Variants in TIAM1 observed in about 807,000 individuals in gnomAD.
TIAM1 encodes the protein TIAM Rac1 associated GEF 1, also known as rho guanine nucleotide exchange factor TIAM1.
Under a neutral mutation model 163.5 loss-of-function variants are expected in TIAM1, and 65 were observed. The observed-to-expected ratio is 0.40, with a 90% confidence interval of 0.33 to 0.49. TIAM1 has a LOEUF of 0.49. TIAM1 is among the 20% of genes least tolerant of loss of function. The pLI, the probability that TIAM1 is intolerant of heterozygous loss-of-function variation, is 0.77. For synonymous variants in TIAM1, 833 were observed against 810.1 expected, an observed-to-expected ratio of 1.03 and a Z score of -0.48; for missense variants, 1,789 against 2,044.7, an observed-to-expected ratio of 0.87 and a Z score of 2.41.
At chr21:31,511,212 G>A (rs574915699) in intron 1 of TIAM1, among the ~76,000 whole-genome samples, 1 of 152,328 alleles carries the variant, frequency 6.6e-6, no homozygotes, top group South Asian at 2.1e-4. Context: ...GTGGCACTTT[G>A]TTAGGGCAAC....
At chr21:31,408,840 C>G (rs2077293915) in intron 2 of TIAM1, among the ~76,000 whole-genome samples, 1 of 152,176 alleles carries the variant, frequency 6.6e-6, no homozygotes, top group African/African-American at 2.4e-5. Context: ...GTTAGACATG[C>G]ACATTTTCGG....
At chr21:31,380,736 CT>C (rs1345871924) in intron 2 of TIAM1, among the ~76,000 whole-genome samples, 1 of 152,094 alleles carries the variant, frequency 6.6e-6, no homozygotes, top group Non-Finnish European at 1.5e-5. Flanking sequence ...CAATACCCTA[CT>C]TTTTTTAGTT....
intron 23 of TIAM1, 83 bp downstream of exon 23, chr21:31,135,850 T>C (rs1346097149): frequency 1.0e-5 from 13 of 1,274,524 alleles, no homozygotes; most frequent in African/African-American, 1.5e-5. Context: ...TTTTAATCAA[T>C]TGGGTCTTGA....
chr21:31,350,878 C>G (rs1022426011), intron 2 of TIAM1, among the ~76,000 whole-genome samples: 1 of 152,150 alleles, frequency 6.6e-6, no homozygotes, highest in African/African-American at 2.4e-5. Flanking sequence ...TGAAAAGGAC[C>G]CCACCTATAG....
chr21:31,384,798 T>C (rs894429580), intron 2 of TIAM1, among the ~76,000 whole-genome samples: 26 of 152,232 alleles, frequency 1.7e-4, no homozygotes, highest in African/African-American at 6.0e-4. Flanking sequence ...AAACCATTTT[T>C]AGTGGTACAT....
chr21:31,131,886 G>A lies in TIAM1; in HGVS notation c.3884-938C>T, dbSNP rs181921489. Among the ~76,000 whole-genome samples, 195 of 152,236 alleles carry A rather than the reference G, an allele frequency of 1.3e-3. 1 individual carries two copies. Among genetic ancestry groups the A allele is most frequent in the African/African-American group, 4.3e-3 (180 of 41,538 alleles). On this transcript the variant is annotated intron_variant, in intron 23 of 27. Transcript: ENST00000541036. ...TTGAGAGAGATGCCTTGACCCTTTCGCCATATGAAGCCACAGCTAGGAAGT... is the reference window on the plus strand; with the variant it reads ...TTGAGAGAGATGCCTTGACCCTTTCACCATATGAAGCCACAGCTAGGAAGT...
At chr21:31,142,690 T>C (rs1172721267) in intron 20 of TIAM1, among the ~76,000 whole-genome samples, 1 of 150,032 alleles carries the variant, frequency 6.7e-6, no homozygotes, top group African/African-American at 2.5e-5. Context: ...GGCAAGCAGA[T>C]GCAGAAGCAG....
intron 2 of TIAM1, among the ~76,000 whole-genome samples, chr21:31,448,015 C>G (rs2044692079): frequency 1.3e-5 from 2 of 152,088 alleles, no homozygotes; most frequent in South Asian, 4.2e-4. Flanking sequence ...GGGGTAGGGC[C>G]CGAGTTTTGT....
At chr21:31,399,308 T>A (rs1027266011) in intron 2 of TIAM1, among the ~76,000 whole-genome samples, 17 of 152,140 alleles carry the variant, frequency 1.1e-4, no homozygotes, top group Non-Finnish European at 2.2e-4. Flanking sequence ...TATGAGAATA[T>A]CCTTAAATAC....
intron 2 of TIAM1, among the ~76,000 whole-genome samples, chr21:31,302,607 C>T (rs1035959677): frequency 6.6e-6 from 1 of 152,200 alleles, no homozygotes; most frequent in Admixed American, 6.5e-5. Flanking sequence ...TAACTCCAAA[C>T]GCACAACACT....
chr21:31,423,090 CTTTTTTTTTTTT>C (rs11356685), intron 2 of TIAM1, among the ~76,000 whole-genome samples: 4 of 54,578 alleles, frequency 7.3e-5, no homozygotes, highest in Non-Finnish European at 1.2e-4. Context: ...ACAGCACTAT[CTTTTTTTTTTTT>C]TTTTTTTTTT....
intron 2 of TIAM1, among the ~76,000 whole-genome samples, chr21:31,455,531 G>T (rs1206084159): frequency 1.3e-5 from 2 of 151,584 alleles, no homozygotes; most frequent in Non-Finnish European, 2.9e-5. Context: ...TCCTACCTCA[G>T]CCTCCTGAGT....
intron 2 of TIAM1, among the ~76,000 whole-genome samples, chr21:31,407,515 G>T (rs2833396): frequency 0.22 from 33,409 of 151,970 alleles, 4,879 homozygotes; most frequent in African/African-American, 0.41. Context: ...TGAGCCACTG[G>T]ATACCCTGGT....
chr21:31,535,718 A>G (rs1027188581), intron 1 of TIAM1, among the ~76,000 whole-genome samples: 2 of 148,544 alleles, frequency 1.3e-5, no homozygotes, highest in Non-Finnish European at 3.0e-5. Flanking sequence ...GACACACTCT[A>G]TACCTTCCCA....
At position 31,210,072 on chromosome 21, in the gene TIAM1, T is replaced by C; in HGVS notation, c.2361A>G (p.Ala787=). The C allele has an allele frequency of 6.2e-7, 1 of 1,614,088 alleles. No homozygotes were observed. Among genetic ancestry groups the C allele is most frequent in the Non-Finnish European group, 8.5e-7 (1 of 1,180,008 alleles). ...TGCAAATCAGCTCCAGGGTGTCCCG[T>C]GCAGTGTCGCCTGGCCGGACGACCG... is the stretch of plus-strand genomic sequence containing the variant. ...ALTVVRPGDT[A]RDTLELICKT... The change falls in exon 11 of 28, where the codon GCA becomes GCG. Residue 787 remains alanine (A), a synonymous_variant. Coordinates refer to ENST00000541036, the MANE Select transcript of TIAM1 (RefSeq NM_001353694.2).
In TIAM1 at chr21:31,395,164, G is replaced by A. The variant is rs1056573957; in HGVS notation, c.-368-55742C>T. On this transcript the variant is annotated intron_variant, in intron 2 of 28. Transcript: ENST00000286827. This position sits in a 1 kb window ranked among gnomAD's most constrained non-coding sequence, Gnocchi z 7.5. The stretch of plus-strand genomic sequence containing the variant: ...GCGGCACCAGAATTGCTTGAGCCTG[G>A]GAGGCAGAGGTTGCAGTAAGCTGAG... 1.3e-5 allele frequency among the ~76,000 whole-genome samples: 2 copies of A among 152,092 alleles called. No homozygotes were observed. The highest frequency in any genetic ancestry group is 2.9e-5 in the Non-Finnish European group (2 of 67,998).
intron 2 of TIAM1, among the ~76,000 whole-genome samples, chr21:31,391,648 G>A (rs1487570964): frequency 6.6e-6 from 1 of 152,002 alleles, no homozygotes; most frequent in Non-Finnish European, 1.5e-5. Flanking sequence ...CAAAACAACG[G>A]AAAGTCTATT....
chr21:31,185,334 G>A (rs2085230407), intron 14 of TIAM1, among the ~76,000 whole-genome samples: 1 of 149,372 alleles, frequency 6.7e-6, no homozygotes, highest in Non-Finnish European at 1.5e-5. Context: ...TATCACAGAT[G>A]AAATTGTAAT....
chr21:31,460,385 G>T (rs955900194), intron 2 of TIAM1, among the ~76,000 whole-genome samples: 6 of 152,234 alleles, frequency 3.9e-5, no homozygotes, highest in African/African-American at 1.2e-4. Flanking sequence ...CCAGCACTTT[G>T]CGAAGCTGAG....
Sources: allele counts gnomAD v4.1 joint callset (sites outside exome capture counted in the v4.1 genomes callset), GRCh38; gene constraint gnomAD v4.1.1; non-coding constraint Gnocchi (gnomAD v3.1); transcripts MANE v1.5; gene names NCBI Gene and HGNC (gene_info 2026-07-23, HGNC 2026-07-21).